Variants in KLF3 observed in about 807,000 individuals in gnomAD.
KLF3 encodes Krueppel-like factor 3.
Under a neutral mutation model 32.7 loss-of-function variants are expected in KLF3, and 6 were observed. That is an observed-to-expected ratio of 0.18 (90% confidence interval 0.10 to 0.36). The LOEUF is 0.36. Among genes scored for constraint, KLF3 ranks in the 10% least tolerant of loss-of-function variants. The pLI is 1.00. For missense variants in KLF3, 338 were observed against 449.7 expected (o/e 0.75, Z 2.25); for synonymous variants, 145 against 172.8 (o/e 0.84, Z 1.26).
At position 38,697,675 on chromosome 4, in the gene KLF3, T is replaced by C. The variant is rs1351880665; in HGVS notation, c.*412T>C. On this transcript the variant is annotated 3_prime_UTR_variant, in exon 6 of 6. Coordinates refer to ENST00000261438, the MANE Select transcript of KLF3 (RefSeq NM_016531.6). ...AGTCCTTGCCAGAGACATTCTTACC[T>C]CTGCCCTGTGATAATATTTTATGCT... The C allele has an allele frequency of 1.3e-5, 2 of 158,562 alleles. No homozygotes were observed. Among genetic ancestry groups the C allele is most frequent in the Non-Finnish European group, 2.8e-5 (2 of 72,242 alleles). 9.8% of individuals were successfully genotyped at this position (158,562 alleles called of 1,614,324 possible).
At position 38,688,748 on chromosome 4, in the gene KLF3, C is replaced by T. The variant is rs150818202; in HGVS notation, c.221C>T (p.Ser74Leu). The T allele has an allele frequency of 9.7e-5, 157 of 1,614,072 alleles. No individual in the cohort carries two copies. Among genetic ancestry groups the T allele is most frequent in the Non-Finnish European group, 1.2e-4 (143 of 1,180,048 alleles). ...GTGAACAAGCGGAGTTCACCCCCTT[C>T]GGCTGGGAATTCGCCCTCCTCTCTG... ...LTVNKRSSPP[S>L]AGNSPSSLKF... Residue 74 changes from serine to leucine, a missense_variant, in exon 3 of 6, where the codon TCG becomes TTG. Around this residue, in one of 2 missense-constraint regions of KLF3, gnomAD observed 272 missense variants for 313.4 expected, o/e 0.87. Transcript: ENST00000261438. This position sits in a 1 kb window ranked among gnomAD's most constrained non-coding sequence, Gnocchi z 4.9.
chr4:38,664,535 A>AT (rs1019096253), intron 1 of KLF3, 74 bp downstream of exon 1: 7 of 148,414 alleles, frequency 4.7e-5, no homozygotes, highest in Non-Finnish European at 7.5e-5. Context: ...GTCTGGTTTC[A>AT]TTTTTTCTCC....
At chr4:38,686,810 AAC>A (rs1722714452) in intron 2 of KLF3, among the ~76,000 whole-genome samples, 1 of 152,242 alleles carries the variant, frequency 6.6e-6, no homozygotes, top group South Asian at 2.1e-4. Flanking sequence ...GATAAAGATA[AAC>A]ACAGTTATGT....
rs774714439 is a variant in KLF3, at chr4:38,697,253, T to C, written c.1028T>C (p.Met343Thr). The change falls in exon 6 of 6, where the codon ATG becomes ACG. Residue 343 changes from methionine to threonine, a missense_variant. By Grantham distance (81) the Met-to-Thr change is moderately conservative. Transcript: ENST00000261438. ...CTTGCCCTCCATAGGAAACGCCACA[T>C]GCTAGTCTGATTGCCTCTGTGTCCT... ...DHLALHRKRHMLV is the reference protein window; with the variant it reads ...DHLALHRKRHTLV 1 of 1,609,816 alleles carries C rather than the reference T, an allele frequency of 6.2e-7. No individual in the cohort carries two copies. Among genetic ancestry groups the C allele is most frequent in the South Asian group, 1.1e-5 (1 of 90,596 alleles).
chr4:38,696,719 A>G (rs895923487), intron 5 of KLF3, among the ~76,000 whole-genome samples: 1 of 152,262 alleles, frequency 6.6e-6, no homozygotes. Context: ...TCATTATCTC[A>G]TTAAATGAAT....
intron 1 of KLF3, among the ~76,000 whole-genome samples, chr4:38,672,649 G>A (rs578180501): frequency 5.3e-5 from 8 of 152,286 alleles, no homozygotes; most frequent in Non-Finnish European, 7.4e-5. Flanking sequence ...CGTGGGTAAC[G>A]GGGTGCCAAG....
At chr4:38,666,263 C>T (rs149056811) in intron 1 of KLF3, among the ~76,000 whole-genome samples, 1 of 152,194 alleles carries the variant, frequency 6.6e-6, no homozygotes, top group Non-Finnish European at 1.5e-5. Context: ...AAAACCTTGT[C>T]AGGTACAAAA....
rs1421100123 is a variant in KLF3 at position 38,699,823 on chromosome 4, T to C, written c.*2560T>C. The C allele has an allele frequency of 6.6e-6, 1 of 152,206 alleles. No homozygotes were observed. The highest frequency in any genetic ancestry group is 1.5e-5 in the Non-Finnish European group (1 of 68,028). 9.4% of individuals were successfully genotyped at this position (152,206 alleles called of 1,614,324 possible). On this transcript the variant is annotated 3_prime_UTR_variant, in exon 6 of 6. Transcript: ENST00000261438. ...GCCCTTACCAAACTTTTCTTATATATATATTTGTATTTTACTATGATAGTT... is the reference window on the plus strand; with the variant it reads ...GCCCTTACCAAACTTTTCTTATATACATATTTGTATTTTACTATGATAGTT...
chr4:38,682,831 T>A (rs1722571108), intron 2 of KLF3, among the ~76,000 whole-genome samples: 1 of 152,238 alleles, frequency 6.6e-6, no homozygotes, highest in African/African-American at 2.4e-5. Context: ...CTCCTTCATG[T>A]GCTAGATTTC....
intron 1 of KLF3, among the ~76,000 whole-genome samples, chr4:38,669,454 ACAG>A (rs1722135096): frequency 6.6e-6 from 1 of 152,066 alleles, no homozygotes; most frequent in Non-Finnish European, 1.5e-5. Flanking sequence ...CTGATAAGGG[ACAG>A]CATTGTCTGA....
chr4:38,691,519 A>C (rs1722878540), intron 4 of KLF3, among the ~76,000 whole-genome samples: 1 of 152,238 alleles, frequency 6.6e-6, no homozygotes. Flanking sequence ...TGACTGGACA[A>C]GTGTTATTCC....
chr4:38,672,439 C>T (rs1175901337), intron 1 of KLF3, among the ~76,000 whole-genome samples: 2 of 152,138 alleles, frequency 1.3e-5, no homozygotes, highest in East Asian at 3.8e-4. Flanking sequence ...CCTTGGATCC[C>T]CCAGGGAGCA....
At chr4:38,676,957 T>G (rs965236673) in intron 1 of KLF3, among the ~76,000 whole-genome samples, 1 of 47,402 alleles carries the variant, frequency 2.1e-5, no homozygotes, top group African/African-American at 2.6e-4. Flanking sequence ...TGCCAGTGTG[T>G]TTTTTTTTTT....
At chr4:38,666,378 CT>C (rs1159253350) in intron 1 of KLF3, among the ~76,000 whole-genome samples, 14 of 150,058 alleles carry the variant, frequency 9.3e-5, no homozygotes, top group African/African-American at 2.9e-4. Context: ...TCTTTTTTTC[CT>C]TTTTTTTTCT....
intron 1 of KLF3, among the ~76,000 whole-genome samples, chr4:38,676,174 C>T (rs1722343986): frequency 6.6e-6 from 1 of 152,180 alleles, no homozygotes; most frequent in Admixed American, 6.5e-5. Context: ...GGTGTAGTGG[C>T]TTACACCTGT....
In KLF3 at chr4:38,697,182, T is replaced by C. The variant is rs746731270; in HGVS notation, c.957T>C (p.Pro319=). ...TCCGAAAACATACTGGAATCAAACCTTTCCAGTGCCCGGACTGTGACCGCA... is the reference window on the plus strand; with the variant it reads ...TCCGAAAACATACTGGAATCAAACCCTTCCAGTGCCCGGACTGTGACCGCA... ...RHFRKHTGIK[P]FQCPDCDRSF... Residue 319 remains proline, a synonymous_variant, in exon 6 of 6, where the codon CCT becomes CCC. Transcript: ENST00000261438. 6.2e-7 allele frequency: 1 copy of C among 1,614,126 alleles called. No homozygotes were observed. The highest frequency in any genetic ancestry group is 1.7e-5 in the Admixed American group (1 of 60,012).
chr4:38,681,185 G>A (rs1004194953), intron 2 of KLF3, among the ~76,000 whole-genome samples: 3 of 152,152 alleles, frequency 2.0e-5, no homozygotes, highest in African/African-American at 4.8e-5. Flanking sequence ...TGGGATCTGC[G>A]CTTCCTTAAG....
chr4:38,666,888 A>AT (rs1722060931), intron 1 of KLF3, among the ~76,000 whole-genome samples: 1 of 151,818 alleles, frequency 6.6e-6, no homozygotes, highest in African/African-American at 2.4e-5. Flanking sequence ...TTTCCTCTTG[A>AT]TGCACTGAGG....
chr4:38,678,444 A>C (rs186185570), intron 1 of KLF3, among the ~76,000 whole-genome samples: 36 of 152,338 alleles, frequency 2.4e-4, no homozygotes, highest in African/African-American at 7.9e-4. Flanking sequence ...ATAAGAGGGT[A>C]GTAGCACTAT....
Sources: gnomAD v4.1 joint callset for allele counts (sites outside exome capture counted in the v4.1 genomes callset) on GRCh38, gnomAD v4.1.1 for gene constraint, gnomAD v4.1.1 regional missense constraint, Gnocchi (gnomAD v3.1) non-coding constraint, MANE v1.5 for transcripts, NCBI Gene and HGNC (gene_info 2026-07-23, HGNC 2026-07-21) for gene names.